PCDHGA6: variants seen among roughly 807,000 people sequenced by gnomAD.
PCDHGA6 encodes protocadherin gamma-A6.
A neutral mutation model predicts 60.6 loss-of-function variants in PCDHGA6; 41 were observed. The ratio of observed to expected loss-of-function variants is 0.68; its 90% CI spans 0.53 to 0.88. PCDHGA6 has a LOEUF of 0.88. Ranked by LOEUF, PCDHGA6 falls within the 40% of genes least tolerant of loss-of-function variation. The pLI, the probability that PCDHGA6 is intolerant of heterozygous loss-of-function variation, is 0.00. For missense variants in PCDHGA6, 1,312 were observed against 1,203.0 expected (o/e 1.09, Z -1.34); for synonymous variants, 594 against 524.4 (o/e 1.13, Z -1.81).
In PCDHGA6 at chr5:141,485,354, G is replaced by C; in HGVS notation, c.2425-9453G>C. 7 of 1,614,176 alleles carry C rather than the reference G, an allele frequency of 4.3e-6. No homozygotes were observed. Among genetic ancestry groups the C allele is most frequent in the Non-Finnish European group, 5.1e-6 (6 of 1,180,024 alleles). Reference sequence around the variant, plus strand: ...CCTGCTGGATACGGACAGTCTGTCAGCTCGCAGGCTGCAGGTCGCTGGAGA... The same window carrying C: ...CCTGCTGGATACGGACAGTCTGTCACCTCGCAGGCTGCAGGTCGCTGGAGA... On this transcript the variant is annotated intron_variant, in intron 1 of 3. Transcript: ENST00000517434. This position sits in a 1 kb window ranked among gnomAD's most constrained non-coding sequence, Gnocchi z 5.7.
chr5:141,400,513 C>A, intron 1 of PCDHGA6: 1 of 1,613,994 alleles, frequency 6.2e-7, no homozygotes, highest in Non-Finnish European at 8.5e-7. Context: ...GTCGACTTCC[C>A]ATCCTGAGTT....
rs368568776 is a variant in PCDHGA6 at position 141,374,130 on chromosome 5, T to G, written c.47T>G (p.Leu16Arg). ...RHPQRSEQVL[L>R]LTLLGTLWGA... ...CCGCAGCGCAGCGAGCAGGTCCTGC[T>G]CCTCACGCTCCTGGGGACGCTGTGG... Residue 16 changes from leucine to arginine, a missense_variant, in exon 1 of 4, where the codon CTC becomes CGC. Transcript: ENST00000517434. The G allele has an allele frequency of 1.2e-5, 20 of 1,604,086 alleles. No homozygotes were observed. The highest frequency in any genetic ancestry group is 2.7e-5 in the African/African-American group (2 of 74,714).
At chr5:141,392,719 C>T (rs1044889578) in intron 1 of PCDHGA6, 60 of 1,382,980 alleles carry the variant, frequency 4.3e-5, no homozygotes, top group African/African-American at 2.9e-5. Context: ...TCCAGGTTTC[C>T]GGAGGATTGT....
chr5:141,422,066 A>G, intron 1 of PCDHGA6: 1 of 1,612,154 alleles, frequency 6.2e-7, no homozygotes. Context: ...GAAGTAATGT[A>G]TTCATTTCGG....
In PCDHGA6 at chr5:141,374,730, A is replaced by G. The variant is rs1770785005; in HGVS notation, c.647A>G (p.Asp216Gly). 6.2e-7 allele frequency: 1 copy of G among 1,610,644 alleles called. No individual in the cohort carries two copies. The highest frequency in any genetic ancestry group is 1.1e-5 in the South Asian group (1 of 90,634). The stretch of plus-strand genomic sequence containing the variant: ...TACCGCCTGGTCCTTACTGCCATGG[A>G]TGGCGGCGACCCTGTCCGCTCAAGC... ...AVYRLVLTAM[D>G]GGDPVRSSVA... The change falls in exon 1 of 4, where the codon GAT becomes GGT. Residue 216 changes from aspartate (D) to glycine (G), a missense_variant. Asp to Gly is a moderately conservative substitution (Grantham distance 94). Coordinates refer to ENST00000517434, the MANE Select transcript of PCDHGA6 (RefSeq NM_018919.3).
At chr5:141,384,656 A>G in intron 1 of PCDHGA6, 1 of 1,614,192 alleles carries the variant, frequency 6.2e-7, no homozygotes, top group Non-Finnish European at 8.5e-7. Flanking sequence ...GAGCCCGGCT[A>G]CCTGGTGACC....
chr5:141,423,564 G>A (rs2096754933), intron 1 of PCDHGA6: 2 of 1,613,444 alleles, frequency 1.2e-6, no homozygotes, highest in Non-Finnish European at 1.7e-6. Context: ...ATGGGGACAC[G>A]CTCATCAGCC....
chr5:141,393,745 A>T, intron 1 of PCDHGA6: 1 of 1,613,898 alleles, frequency 6.2e-7, no homozygotes. Context: ...GATTATGAAG[A>T]ATGTTCATTT....
chr5:141,428,331 G>A, intron 1 of PCDHGA6: 2 of 625,576 alleles, frequency 3.2e-6, no homozygotes, highest in East Asian at 2.9e-5. Context: ...TGATTTCTAT[G>A]CTCTTCTTCC....
At chr5:141,421,271 T>G in intron 1 of PCDHGA6, 1 of 1,612,330 alleles carries the variant, frequency 6.2e-7, no homozygotes, top group Non-Finnish European at 8.5e-7. Context: ...CGGCTGCTGC[T>G]GCTGCTGTGC....
rs755091154 is a variant in PCDHGA6 at position 141,402,943 on chromosome 5, C to T, written c.2424+26436C>T. The stretch of plus-strand genomic sequence containing the variant: ...AGATCCTTTTGAGAAAATTCCAAAG[C>T]GAGGCAGCAATGGCAGCTCCAACCA... On this transcript the variant is annotated intron_variant, in intron 1 of 3. Transcript: ENST00000517434. 1.1e-5 allele frequency: 17 copies of T among 1,590,762 alleles called. No individual in the cohort carries two copies. The African/African-American group carries it at 2.0e-4, about 19-fold the overall frequency.
chr5:141,387,827 A>G (rs2091110263), intron 1 of PCDHGA6: 2 of 1,585,958 alleles, frequency 1.3e-6, no homozygotes, highest in Non-Finnish European at 8.6e-7. Flanking sequence ...TGCAATACAG[A>G]GGTTATTTGT....
chr5:141,417,919 G>C, intron 1 of PCDHGA6: 1 of 1,605,944 alleles, frequency 6.2e-7, no homozygotes, highest in Non-Finnish European at 8.5e-7. Flanking sequence ...TATTTCCTTT[G>C]CTGCTGCCTT....
At chr5:141,415,469 C>G (rs1247738517) in intron 1 of PCDHGA6, 1 of 1,614,090 alleles carries the variant, frequency 6.2e-7, no homozygotes, top group Non-Finnish European at 8.5e-7. Context: ...TCTCTCACCG[C>G]GGACTCGCGA....
At position 141,491,952 on chromosome 5, in the gene PCDHGA6, C is replaced by A; in HGVS notation, c.2425-2855C>A. 9.4e-7 allele frequency: 1 copy of A among 1,062,954 alleles called. No homozygotes were observed. The allele number at this position is 1,062,954 out of a possible 1,614,324, so 65.8% of individuals were successfully genotyped here. On this transcript the variant is annotated intron_variant, in intron 1 of 3. Coordinates refer to ENST00000517434, the MANE Select transcript of PCDHGA6 (RefSeq NM_018919.3). The surrounding 1 kb of genome is among the most constrained non-coding windows in gnomAD (Gnocchi z 6.9). ...GGTGGGACCGACCCCCACCCCTACA[C>A]TCAAAAAAGGCCGGGGCCTCCTTCG...
rs1282444417 is a variant in PCDHGA6, at chr5:141,374,085, TG to T, written c.4del (p.Ala2?). On this transcript the variant is annotated frameshift_variant and start_lost, in exon 1 of 4. Coordinates refer to ENST00000517434, the MANE Select transcript of PCDHGA6 (RefSeq NM_018919.3). LOFTEE classifies it high-confidence loss of function. ...AGAGAAGTTCCTAATAAGCCAGTAA[TG>T]GCGCCTCCGCAGAGGCATCCGCAGC... [M>X]APPQRHPQRS... 1.3e-6 allele frequency: 2 copies of T among 1,528,732 alleles called. No individual in the cohort carries two copies. The highest frequency in any genetic ancestry group is 1.8e-6 in the Non-Finnish European group (2 of 1,139,260). 94.7% of individuals were successfully genotyped at this position (1,528,732 alleles called of 1,614,324 possible).
At chr5:141,472,980 C>CAAAAAAAAAAAAAAAAAAAAAA (rs60579131) in intron 1 of PCDHGA6, among the ~76,000 whole-genome samples, 6 of 86,102 alleles carry the variant, frequency 7.0e-5, no homozygotes, top group African/African-American at 1.2e-4. Flanking sequence ...GAGTGAAACT[C>CAAAAAAAAAAAAAAAAAAAAAA]AAAAAAAAAA....
intron 1 of PCDHGA6, chr5:141,427,054 C>T (rs1235803553): frequency 4.4e-6 from 2 of 457,580 alleles, no homozygotes; most frequent in Admixed American, 4.7e-5. Context: ...CCCCCAGGCA[C>T]CTCTGTACTA....
At chr5:141,479,842 G>A (rs1167563746) in intron 1 of PCDHGA6, among the ~76,000 whole-genome samples, 3 of 152,172 alleles carry the variant, frequency 2.0e-5, no homozygotes, top group African/African-American at 7.2e-5. Context: ...TCCATGCAAG[G>A]TGACTGCAAG....
Sources: allele counts gnomAD v4.1 joint callset (sites outside exome capture counted in the v4.1 genomes callset), GRCh38; gene constraint gnomAD v4.1.1; non-coding constraint Gnocchi (gnomAD v3.1); transcripts MANE v1.5; gene names NCBI Gene and HGNC (gene_info 2026-07-23, HGNC 2026-07-21).